Variants in NEK10 observed in about 807,000 individuals in gnomAD.
The protein encoded by NEK10 is NIMA related kinase 10.
In NEK10, 122 loss-of-function variants were observed where a neutral mutation model predicts 159.8. The ratio of observed to expected loss-of-function variants is 0.76; its 90% CI spans 0.66 to 0.89. The LOEUF is 0.89. Among genes scored for constraint, NEK10 ranks in the 40% least tolerant of loss-of-function variants. The pLI is 0.00. For synonymous variants in NEK10, 466 were observed against 457.1 expected (o/e 1.02, Z -0.25); for missense variants, 1,342 against 1,323.1 (o/e 1.01, Z -0.22).
chr3:27,329,753 G>A (rs1316203164), intron 5 of NEK10, among the ~76,000 whole-genome samples: 1 of 152,168 alleles, frequency 6.6e-6, no homozygotes, highest in Non-Finnish European at 1.5e-5. Flanking sequence ...GGGAATCCGT[G>A]AGGCATTAGA....
chr3:27,355,045 C>G (rs533114144), intron 1 of NEK10, among the ~76,000 whole-genome samples: 1 of 151,194 alleles, frequency 6.6e-6, no homozygotes, highest in South Asian at 2.2e-4. Context: ...AGAGTGCCCA[C>G]ATATATCCAC....
At chr3:27,317,687 C>T (rs2045307285) in intron 6 of NEK10, among the ~76,000 whole-genome samples, 1 of 152,054 alleles carries the variant, frequency 6.6e-6, no homozygotes, top group Non-Finnish European at 1.5e-5. Flanking sequence ...GCAACTAAAT[C>T]AATGAATGCT....
At chr3:27,297,047 GAA>G (rs2043406431) in intron 14 of NEK10, 130 bp downstream of exon 14, 5 of 549,552 alleles carry the variant, frequency 9.1e-6, no homozygotes, top group Non-Finnish European at 1.7e-5. Flanking sequence ...AGTTAAACGA[GAA>G]ATGTTAAAAT....
At position 27,171,319 on chromosome 3, in the gene NEK10, G is replaced by A. The variant is rs530997524; in HGVS notation, c.2831+500C>T. On this transcript the variant is annotated intron_variant, in intron 29 of 35. Transcript: ENST00000691995. ...AGCTGTGGTCATATGAGGAAGTTCT[G>A]GCCAATGGTATGTGAACAGAAGTGA... Among the ~76,000 whole-genome samples, 27 of 152,262 alleles carry A rather than the reference G, an allele frequency of 1.8e-4. 1 individual carries two copies. The South Asian group carries it at 5.2e-3, about 29-fold the overall frequency.
At chr3:27,146,882 G>A (rs1364159711) in intron 30 of NEK10, among the ~76,000 whole-genome samples, 2 of 152,214 alleles carry the variant, frequency 1.3e-5, no homozygotes, top group South Asian at 2.1e-4. Context: ...AGTGAGGGCT[G>A]CAACTGAAGA....
chr3:27,112,865 C>G (rs1337408261), intron 35 of NEK10, among the ~76,000 whole-genome samples: 1 of 152,192 alleles, frequency 6.6e-6, no homozygotes, highest in Non-Finnish European at 1.5e-5. Flanking sequence ...AATACTGATT[C>G]TAAATACCTC....
chr3:27,136,752 A>C (rs904289192), intron 31 of NEK10, among the ~76,000 whole-genome samples: 1 of 152,158 alleles, frequency 6.6e-6, no homozygotes, highest in Non-Finnish European at 1.5e-5. Context: ...CTTCTAAAAT[A>C]GTTGCTTTTA....
chr3:27,248,664 C>G (rs967069697), intron 23 of NEK10, among the ~76,000 whole-genome samples: 2 of 152,072 alleles, frequency 1.3e-5, no homozygotes, highest in Non-Finnish European at 2.9e-5. Context: ...GTAGAGTATC[C>G]AATATTCCTC....
chr3:27,212,489 C>G (rs1951093932), intron 23 of NEK10, among the ~76,000 whole-genome samples: 1 of 152,210 alleles, frequency 6.6e-6, no homozygotes, highest in Non-Finnish European at 1.5e-5. Flanking sequence ...TCGACAGCTT[C>G]CTCACAACCA....
intron 23 of NEK10, among the ~76,000 whole-genome samples, chr3:27,213,508 A>G (rs1425898714): frequency 6.6e-6 from 1 of 152,222 alleles, no homozygotes; most frequent in African/African-American, 2.4e-5. Context: ...TATGACTCCT[A>G]GGTTTTATAA....
Position 27,174,790 on chromosome 3 carries a change from G to A in NEK10, c.2549C>T (p.Ala850Val), listed in dbSNP as rs144496451. 2 of 1,609,180 alleles carry A rather than the reference G, an allele frequency of 1.2e-6. No individual in the cohort carries two copies. Among genetic ancestry groups the A allele is most frequent in the African/African-American group, 2.7e-5 (2 of 74,520 alleles). Residue 850 changes from alanine to valine, a missense_variant, in exon 27 of 36, where the codon GCA becomes GTA. Ala to Val is a moderately conservative substitution (Grantham distance 64). Coordinates refer to ENST00000691995, the MANE Select transcript of NEK10 (RefSeq NM_001394966.1). ...KASLSSSSSG[A>V]ASLKSELSES... ...TGAAAGTTCACTTTTCAGGCTGGCT[G>A]CTCCACTGCTGCTGCTACTCAAACT... is the stretch of plus-strand genomic sequence containing the variant.
At chr3:27,346,303 C>G (rs2047551708) in intron 3 of NEK10, 87 bp from the exon 4 acceptor site, 1 of 1,418,136 alleles carries the variant, frequency 7.1e-7, no homozygotes, top group Non-Finnish European at 9.8e-7. Context: ...GATGAAGAGA[C>G]TGAGATTTTT....
Position 27,322,271 on chromosome 3 carries a change from GA to G in NEK10, c.363-11del. 2 of 1,461,884 alleles carry G rather than the reference GA, an allele frequency of 1.4e-6. No individual in the cohort carries two copies. The highest frequency in any genetic ancestry group is 1.9e-6 in the Non-Finnish European group (2 of 1,064,902). 90.6% of individuals were successfully genotyped at this position (1,461,884 alleles called of 1,614,324 possible). On this transcript the variant is annotated splice_polypyrimidine_tract_variant and intron_variant, in intron 5 of 35. Transcript: ENST00000691995. The stretch of plus-strand genomic sequence containing the variant: ...TCGATTAACCCACTCTCTGAAAGAA[GA>G]AAACAAGAGAACATGTTCACGTTTA...
rs150808650 is a variant in NEK10 at position 27,200,463 on chromosome 3, G to T, written c.2291+1047C>A. 2.9e-3 allele frequency among the ~76,000 whole-genome samples: 439 copies of T among 152,206 alleles called. 4 individuals are homozygous for T. The highest frequency in any genetic ancestry group is 9.0e-3 in the African/African-American group (372 of 41,528). ...TTAAGTACCCAACTTAAGTACTCAA[G>T]ATGCAACTTAAGTACCCAAGATGGT... On this transcript the variant is annotated intron_variant, in intron 25 of 35. Transcript: ENST00000691995.
At chr3:27,141,428 T>C (rs567266675) in intron 31 of NEK10, 54 bp downstream of exon 31, 1 of 1,338,230 alleles carries the variant, frequency 7.5e-7, no homozygotes, top group East Asian at 2.3e-5. Flanking sequence ...TCAGCAATAT[T>C]AGCACCAAAC....
chr3:27,228,261 A>G (rs1952844425), intron 23 of NEK10, among the ~76,000 whole-genome samples: 1 of 152,138 alleles, frequency 6.6e-6, no homozygotes, highest in African/African-American at 2.4e-5. Flanking sequence ...ACCAACCTCC[A>G]CTTCTTACAC....
chr3:27,231,945 C>T (rs530233248), intron 23 of NEK10, among the ~76,000 whole-genome samples: 1 of 151,786 alleles, frequency 6.6e-6, no homozygotes. Flanking sequence ...TGAAACTATC[C>T]CAAAGATAGA....
intron 6 of NEK10, among the ~76,000 whole-genome samples, chr3:27,316,028 G>T (rs1202167149): frequency 6.6e-6 from 1 of 152,218 alleles, no homozygotes; most frequent in African/African-American, 2.4e-5. Flanking sequence ...GAGAGAAGCA[G>T]TTCCGTAACT....
At chr3:27,244,524 A>C (rs1954869070) in intron 23 of NEK10, among the ~76,000 whole-genome samples, 2 of 152,204 alleles carry the variant, frequency 1.3e-5, no homozygotes. Flanking sequence ...GGGACACTGC[A>C]GGAGGAAGAG....
Sources: allele counts gnomAD v4.1 joint callset (sites outside exome capture counted in the v4.1 genomes callset), GRCh38; gene constraint gnomAD v4.1.1; transcripts MANE v1.5; gene names NCBI Gene and HGNC (gene_info 2026-07-23, HGNC 2026-07-21).